The following LYPLA1 variants were observed in gnomAD, a reference collection of about 807,000 sequenced individuals.
LYPLA1 encodes lysophospholipase 1, also known as acyl-protein thioesterase 1.
Under a neutral mutation model 34.0 loss-of-function variants are expected in LYPLA1, and 17 were observed. That is an observed-to-expected ratio of 0.50 (90% CI 0.34 to 0.75). The LOEUF (loss-of-function observed/expected upper bound fraction) is 0.75. LYPLA1 is among the 30% of genes least tolerant of loss of function. The pLI is 0.01. For missense variants in LYPLA1, 203 were observed against 288.8 expected, an observed-to-expected ratio of 0.70 and a Z score of 2.15; for synonymous variants, 98 against 100.8, an observed-to-expected ratio of 0.97 and a Z score of 0.17.
chr8:54,073,781 C>T (rs939228183), intron 2 of LYPLA1, among the ~76,000 whole-genome samples: 11 of 151,976 alleles, frequency 7.2e-5, no homozygotes, highest in East Asian at 3.8e-4. Flanking sequence ...AAAACTACTT[C>T]TTTTTTCAAA....
Position 54,101,918 on chromosome 8 carries a change from G to C in LYPLA1, c.-95C>G. 1 of 677,118 alleles carries C rather than the reference G, an allele frequency of 1.5e-6. No individual in the cohort carries two copies. The allele number at this position is 677,118 out of a possible 1,614,324, so 41.9% of individuals were successfully genotyped here. On this transcript the variant is annotated 5_prime_UTR_variant, in exon 1 of 9. Transcript: ENST00000316963. The stretch of plus-strand genomic sequence containing the variant: ...GCGGCGAGTCCCGGCCGGCCCCACC[G>C]GGCGCACGCTCAGGCGCGTGCGCGC...
chr8:54,078,994 TTC>T (rs1210586390), intron 2 of LYPLA1, among the ~76,000 whole-genome samples: 3 of 152,134 alleles, frequency 2.0e-5, no homozygotes, highest in Non-Finnish European at 2.9e-5. Context: ...CTAAGTTTTC[TTC>T]TTTTTTTGTG....
At chr8:54,053,406 T>C in intron 6 of LYPLA1, 1 of 325,086 alleles carries the variant, frequency 3.1e-6, no homozygotes, top group East Asian at 7.5e-5. Context: ...TAAATTGGTA[T>C]TACTTTCTAA....
At chr8:54,084,021 C>T (rs1021166599) in intron 2 of LYPLA1, among the ~76,000 whole-genome samples, 2 of 151,152 alleles carry the variant, frequency 1.3e-5, no homozygotes, top group African/African-American at 4.9e-5. Flanking sequence ...GCCTGTAATC[C>T]CAGCTACTTG....
chr8:54,059,299 G>GTTTTTTTTTTTTTTTTTTTTTTTTT (rs573966934), intron 5 of LYPLA1, among the ~76,000 whole-genome samples: 1 of 112,744 alleles, frequency 8.9e-6, no homozygotes, highest in African/African-American at 4.9e-5. Context: ...TATTTTCCCT[G>GTTTTTTTTTTTTTTTTTTTTTTTTT]TTTTTTTTTT....
chr8:54,092,493 T>G (rs975438563), intron 2 of LYPLA1, among the ~76,000 whole-genome samples: 1 of 152,198 alleles, frequency 6.6e-6, no homozygotes, highest in Non-Finnish European at 1.5e-5. Flanking sequence ...GTGATTTTGA[T>G]GCATGCTATA....
intron 2 of LYPLA1, among the ~76,000 whole-genome samples, chr8:54,084,135 TAAATAA>T (rs1808518224): frequency 3.6e-5 from 4 of 109,796 alleles, no homozygotes; most frequent in African/African-American, 1.5e-4. Context: ...AAAAAAAAAA[TAAATAA>T]ATATATATAT....
intron 5 of LYPLA1, among the ~76,000 whole-genome samples, chr8:54,061,151 G>A (rs985780334): frequency 6.6e-6 from 1 of 151,756 alleles, no homozygotes; most frequent in Non-Finnish European, 1.5e-5. Context: ...CGCAATCTCG[G>A]CTCACTGAAA....
chr8:54,097,316 T>C (rs1428214335), intron 2 of LYPLA1, among the ~76,000 whole-genome samples: 3 of 152,178 alleles, frequency 2.0e-5, no homozygotes, highest in African/African-American at 4.8e-5. Flanking sequence ...ATAAACTGAA[T>C]CTAATCATGA....
chr8:54,091,581 A>AAAGGAAGGAAGG (rs200125817), intron 2 of LYPLA1, among the ~76,000 whole-genome samples: 184 of 142,382 alleles, frequency 1.3e-3, no homozygotes, highest in Admixed American at 3.6e-3. Context: ...GAAAGAAAGA[A>AAAGGAAGGAAGG]AAGGAAGGAA....
chr8:54,077,576 A>G lies in LYPLA1; in HGVS notation c.102-11763T>C, dbSNP rs376447398. Reference sequence around the variant, plus strand: ...TTTGGGAGGCTGAGGCAGACGGATCACTTGAGGTCAGGAGATACAGACCAG... The same window carrying G: ...TTTGGGAGGCTGAGGCAGACGGATCGCTTGAGGTCAGGAGATACAGACCAG... On this transcript the variant is annotated intron_variant, in intron 2 of 8. Coordinates refer to ENST00000316963, the MANE Select transcript of LYPLA1 (RefSeq NM_006330.4). Among the ~76,000 whole-genome samples the G allele has an allele frequency of 2.1e-3, 318 of 152,308 alleles. 2 individuals carry two copies. The South Asian group carries it at 0.021, about 10-fold the overall frequency.
chr8:54,070,109 C>T (rs1311890836), intron 2 of LYPLA1, among the ~76,000 whole-genome samples: 1 of 152,210 alleles, frequency 6.6e-6, no homozygotes, highest in Non-Finnish European at 1.5e-5. Context: ...TATGAAGTTA[C>T]CATATCCAGC....
chr8:54,066,018 G>T lies in LYPLA1; in HGVS notation c.102-205C>A, dbSNP rs1807042084. Among the ~76,000 whole-genome samples the T allele has an allele frequency of 2.0e-5, 3 of 152,206 alleles. No homozygotes were observed. In the Middle Eastern group the frequency reaches 0.01, roughly 518 times the overall value. ...GTGGCGCGATCTCGGCTCACTGCAA[G>T]CTACCTCTCCCGAGTTCACGCCATT... is the stretch of plus-strand genomic sequence containing the variant. On this transcript the variant is annotated intron_variant, in intron 2 of 8. Transcript: ENST00000316963.
chr8:54,098,353 C>T (rs904547630), intron 2 of LYPLA1, among the ~76,000 whole-genome samples: 6 of 152,036 alleles, frequency 3.9e-5, no homozygotes, highest in Admixed American at 3.9e-4. Flanking sequence ...CTGGGTGAGA[C>T]GGAATGAGAT....
At chr8:54,091,543 AAAG>A in intron 2 of LYPLA1, among the ~76,000 whole-genome samples, 1 of 147,228 alleles carries the variant, frequency 6.8e-6, no homozygotes, top group East Asian at 2.0e-4. Flanking sequence ...AAAGAAAAGA[AAAG>A]AAAAGAAGAA....
At chr8:54,088,273 G>C (rs920939785) in intron 2 of LYPLA1, among the ~76,000 whole-genome samples, 1 of 152,178 alleles carries the variant, frequency 6.6e-6, no homozygotes, top group Admixed American at 6.5e-5. Context: ...GCTTTTAAGA[G>C]AAGTTACTAT....
intron 6 of LYPLA1, chr8:54,053,110 T>TC (rs1191749979): frequency 6.2e-4 from 117 of 189,460 alleles, no homozygotes; most frequent in Non-Finnish European, 1.8e-4. Flanking sequence ...TTTTTTTTTT[T>TC]TGAGATGGAG....
intron 2 of LYPLA1, among the ~76,000 whole-genome samples, chr8:54,086,555 CAAAAAAAAA>C (rs1220626412): frequency 1.5e-5 from 1 of 64,556 alleles, no homozygotes. Flanking sequence ...CAAAGGGTAC[CAAAAAAAAA>C]AAAAAAAAAA....
intron 2 of LYPLA1, among the ~76,000 whole-genome samples, chr8:54,087,617 A>C (rs763129322): frequency 6.6e-5 from 10 of 152,268 alleles, no homozygotes; most frequent in Non-Finnish European, 1.3e-4. Context: ...CAAATAATGT[A>C]TCTGATAGGA....
Sources: gnomAD v4.1 joint callset for allele counts (sites outside exome capture counted in the v4.1 genomes callset) on GRCh38, gnomAD v4.1.1 for gene constraint, MANE v1.5 for transcripts, NCBI Gene and HGNC (gene_info 2026-07-23, HGNC 2026-07-21) for gene names.